PIBF1: variants seen among roughly 807,000 people sequenced by gnomAD.
PIBF1 encodes the protein progesterone immunomodulatory binding factor 1.
Under a neutral mutation model 112.5 loss-of-function variants are expected in PIBF1, and 90 were observed. The ratio of observed to expected loss-of-function variants is 0.80; its 90% CI spans 0.67 to 0.95. The LOEUF is 0.95. Among genes scored for constraint, PIBF1 ranks in the 40% least tolerant of loss-of-function variants. The probability of loss-of-function intolerance (pLI) is 0.00; values close to 1 mark genes in which losing one functional copy is unlikely to be tolerated. For synonymous variants in PIBF1, 301 were observed against 288.6 expected, an observed-to-expected ratio of 1.04 and a Z score of -0.44; for missense variants, 915 against 852.3, an observed-to-expected ratio of 1.07 and a Z score of -0.92.
At chr13:72,826,804 A>C (rs1280299712) in intron 6 of PIBF1, among the ~76,000 whole-genome samples, 1 of 152,204 alleles carries the variant, frequency 6.6e-6, no homozygotes. Flanking sequence ...AAAGGTAATA[A>C]ATTGATATGT....
In PIBF1 at chr13:72,893,725, T is replaced by C. The variant is rs1489544813; in HGVS notation, c.1323-59T>C. 3.2e-5 allele frequency: 35 copies of C among 1,078,442 alleles called. No individual in the cohort carries two copies. In the East Asian group the frequency reaches 9.3e-4, roughly 29 times the overall value. The allele number at this position is 1,078,442 out of a possible 1,614,324, so 66.8% of individuals were successfully genotyped here. A position where few individuals can be genotyped will look rare whatever the true frequency, so the allele number is the denominator to read the frequency against. On this transcript the variant is annotated intron_variant, in intron 10 of 17. Coordinates refer to ENST00000326291, the MANE Select transcript of PIBF1 (RefSeq NM_006346.4). Reference sequence around the variant, plus strand: ...GAAAACATAGAAGTAAGGTTTATGATTACTTAAATCATTGAGACTGCTTTC... The same window carrying C: ...GAAAACATAGAAGTAAGGTTTATGACTACTTAAATCATTGAGACTGCTTTC...
At chr13:73,011,839 A>T (rs2044213180) in intron 17 of PIBF1, among the ~76,000 whole-genome samples, 1 of 152,204 alleles carries the variant, frequency 6.6e-6, no homozygotes, top group Non-Finnish European at 1.5e-5. Context: ...GTTTGAAGAG[A>T]CAGTGCAAGC....
intron 14 of PIBF1, among the ~76,000 whole-genome samples, chr13:72,936,275 A>T (rs9543178): frequency 0.037 from 5,608 of 152,098 alleles, 146 homozygotes; most frequent in South Asian, 0.054. Flanking sequence ...GGCTCAAGTG[A>T]TCTTCCCACC....
chr13:72,822,083 C>T (rs1233431276), intron 6 of PIBF1, 101 bp downstream of exon 6: 22 of 1,038,116 alleles, frequency 2.1e-5, no homozygotes, highest in Admixed American at 3.1e-5. Flanking sequence ...TTACTTTTAC[C>T]TTATTCTTCT....
At chr13:72,896,902 T>C (rs182548809) in intron 11 of PIBF1, among the ~76,000 whole-genome samples, 22 of 152,322 alleles carry the variant, frequency 1.4e-4, no homozygotes, top group African/African-American at 4.3e-4. Flanking sequence ...AAAACTTCCC[T>C]GGCCTTGCTA....
At chr13:72,848,689 C>T (rs545770671) in intron 9 of PIBF1, among the ~76,000 whole-genome samples, 3 of 151,914 alleles carry the variant, frequency 2.0e-5, no homozygotes, top group South Asian at 2.1e-4. Context: ...AAAAATTAGC[C>T]GGCATGGTGG....
intron 14 of PIBF1, among the ~76,000 whole-genome samples, chr13:72,943,454 ACCC>A: frequency 6.6e-6 from 1 of 152,354 alleles, no homozygotes; most frequent in African/African-American, 2.4e-5. Flanking sequence ...TATCACATAT[ACCC>A]TATGCATATA....
At chr13:72,970,338 T>C (rs1381539741) in intron 15 of PIBF1, among the ~76,000 whole-genome samples, 1 of 152,174 alleles carries the variant, frequency 6.6e-6, no homozygotes, top group Non-Finnish European at 1.5e-5. Flanking sequence ...AGAGACACTC[T>C]GTGTAATACA....
chr13:72,839,425 C>CGAAACA (rs1408025985), intron 9 of PIBF1, among the ~76,000 whole-genome samples: 1 of 152,148 alleles, frequency 6.6e-6, no homozygotes, highest in African/African-American at 2.4e-5. Context: ...TTAGTTGTTT[C>CGAAACA]ACTTGAAGTG....
chr13:72,783,594 G>A lies in PIBF1; in HGVS notation c.125G>A (p.Gly42Asp). 6.2e-7 allele frequency: 1 copy of A among 1,614,062 alleles called. No homozygotes were observed. Among genetic ancestry groups the A allele is most frequent in the Non-Finnish European group, 8.5e-7 (1 of 1,179,962 alleles). ...ATTTCCTCATCAGAAGAGCGAGAGG[G>A]CAAAGTCAGAATCACCAGGCAGCTA... The part of the protein sequence containing the change: ...DDISSSEERE[G>D]KVRITRQLIE... The change falls in exon 2 of 18, where the codon GGC (glycine) becomes GAC (aspartate). Residue 42 changes from glycine (G) to aspartate (D), a missense_variant. Physicochemically the swap from Gly to Asp is moderately conservative, Grantham distance 94. Coordinates refer to ENST00000326291, the MANE Select transcript of PIBF1 (RefSeq NM_006346.4).
chr13:72,990,983 C>T (rs146556353), intron 16 of PIBF1, among the ~76,000 whole-genome samples: 27 of 152,336 alleles, frequency 1.8e-4, no homozygotes, highest in African/African-American at 5.5e-4. Flanking sequence ...TGCGTTGTTA[C>T]TCCCATATGA....
At chr13:72,992,468 G>A (rs963211748) in intron 16 of PIBF1, among the ~76,000 whole-genome samples, 1 of 151,992 alleles carries the variant, frequency 6.6e-6, no homozygotes, top group South Asian at 2.1e-4. Context: ...AGAACCTTAG[G>A]GTAAATCCTG....
At chr13:72,933,064 A>G (rs1309267222) in intron 14 of PIBF1, among the ~76,000 whole-genome samples, 1 of 147,426 alleles carries the variant, frequency 6.8e-6, no homozygotes, top group Non-Finnish European at 1.5e-5. Context: ...AGCCAAGTCC[A>G]GCACACTGCT....
chr13:72,921,223 C>G (rs2041278189), intron 13 of PIBF1, among the ~76,000 whole-genome samples: 1 of 152,092 alleles, frequency 6.6e-6, no homozygotes, highest in Non-Finnish European at 1.5e-5. Flanking sequence ...CTGCCTCAGC[C>G]TCCCAAGTAG....
chr13:72,925,542 C>CTTTTTTTTTTTT (rs59074858), intron 13 of PIBF1, among the ~76,000 whole-genome samples: 2 of 102,032 alleles, frequency 2.0e-5, no homozygotes, highest in African/African-American at 7.5e-5. Context: ...CTTTCTCTCT[C>CTTTTTTTTTTTT]TTTTTTTTTT....
Position 72,893,886 on chromosome 13 carries a change from G to A in PIBF1, c.1425G>A (p.Glu475=). ...GTGAGCGTGTTCAACTTCTGCAAGA[G>A]GAAACAGCAAGAAATCTCACACAGT... ...FESERVQLLQ[E]ETARNLTQCQ... Residue 475 remains glutamate (E), a synonymous_variant, in exon 11 of 18, where the codon GAG becomes GAA. Transcript: ENST00000326291. 6.2e-7 allele frequency: 1 copy of A among 1,607,264 alleles called. No homozygotes were observed. The highest frequency in any genetic ancestry group is 8.5e-7 in the Non-Finnish European group (1 of 1,176,740).
chr13:72,828,045 C>CTTATTTTATTTTATT lies in PIBF1; in HGVS notation c.1097+144_1097+158dup, dbSNP rs71099757. 918 of 343,620 alleles carry CTTATTTTATTTTATT rather than the reference C, an allele frequency of 2.7e-3. 11 individuals carry two copies. Among genetic ancestry groups the CTTATTTTATTTTATT allele is most frequent in the East Asian group, 0.023 (431 of 18,898 alleles). The allele number at this position is 343,620 out of a possible 1,614,324, so 21.3% of individuals were successfully genotyped here. ...CTATATGATAATACTAAGATAATAC[C>CTTATTTTATTTTATT]TTATTTTATTTTATTTTATTTTATT... On this transcript the variant is annotated intron_variant, in intron 8 of 17. Coordinates refer to ENST00000326291, the MANE Select transcript of PIBF1 (RefSeq NM_006346.4).
intron 17 of PIBF1, among the ~76,000 whole-genome samples, chr13:73,001,626 T>C (rs77892959): frequency 1.6e-5 from 2 of 126,650 alleles, no homozygotes; most frequent in Non-Finnish European, 3.4e-5. Context: ...TTCTGAAGAC[T>C]TTTTTTTTTT....
chr13:72,782,642 A>C (rs1390476493), intron 1 of PIBF1, among the ~76,000 whole-genome samples: 1 of 152,206 alleles, frequency 6.6e-6, no homozygotes, highest in Non-Finnish European at 1.5e-5. Context: ...TTATATCATG[A>C]GGTATTAAAA....
Sources: gnomAD v4.1 joint callset for allele counts (sites outside exome capture counted in the v4.1 genomes callset) on GRCh38, gnomAD v4.1.1 for gene constraint, MANE v1.5 for transcripts, NCBI Gene and HGNC (gene_info 2026-07-23, HGNC 2026-07-21) for gene names.